THSD7A: variants seen among roughly 807,000 people sequenced by gnomAD.
THSD7A encodes thrombospondin type-1 domain-containing protein 7A.
A neutral mutation model predicts 231.3 loss-of-function variants in THSD7A; 96 were observed. The ratio of observed to expected loss-of-function variants is 0.41; its 90% CI spans 0.35 to 0.49. The LOEUF is 0.49. Among genes scored for constraint, THSD7A ranks in the 20% least tolerant of loss-of-function variants. The probability of loss-of-function intolerance (pLI) is 0.05; values close to 1 mark genes in which losing one functional copy is unlikely to be tolerated. For synonymous variants in THSD7A, 940 were observed against 743.3 expected (o/e 1.26, Z -4.30); for missense variants, 2,290 against 2,070.2 (o/e 1.11, Z -2.06).
At chr7:11,517,760 T>A (rs1185470909) in intron 6 of THSD7A, among the ~76,000 whole-genome samples, 1 of 152,232 alleles carries the variant, frequency 6.6e-6, no homozygotes, top group Non-Finnish European at 1.5e-5. Flanking sequence ...TTCTGATCCC[T>A]TATGAAAACT....
At chr7:11,461,563 C>T (rs532094954) in intron 10 of THSD7A, among the ~76,000 whole-genome samples, 1 of 152,094 alleles carries the variant, frequency 6.6e-6, no homozygotes, top group South Asian at 2.1e-4. Context: ...AGCCATCTTA[C>T]CAGCATCATT....
At chr7:11,401,150 A>C (rs1008810282) in intron 23 of THSD7A, among the ~76,000 whole-genome samples, 1 of 152,042 alleles carries the variant, frequency 6.6e-6, no homozygotes, top group African/African-American at 2.4e-5. Context: ...TGGATTTGTA[A>C]TTTTTATTTA....
chr7:11,541,569 T>A lies in THSD7A; in HGVS notation c.1672A>T (p.Asn558Tyr). The change falls in exon 6 of 28, where the codon AAC becomes TAC. Residue 558 changes from asparagine (N) to tyrosine (Y), a missense_variant. Physicochemically the swap from Asn to Tyr is moderately radical, Grantham distance 143. Coordinates refer to ENST00000423059, the MANE Select transcript of THSD7A (RefSeq NM_015204.3). ...ATGGCTTCCAGTAAGTGAGGGCAGTTTCCGGTTACCCCAGAGCCTCCAGTG... is the reference window on the plus strand; with the variant it reads ...ATGGCTTCCAGTAAGTGAGGGCAGTATCCGGTTACCCCAGAGCCTCCAGTG... ...EPTGGSGVTG[N>Y]CPHLLEAIPC... 6.2e-7 allele frequency: 1 copy of A among 1,613,948 alleles called. No homozygotes were observed. The highest frequency in any genetic ancestry group is 8.5e-7 in the Non-Finnish European group (1 of 1,179,884).
chr7:11,796,055 T>TTATATTTGG (rs1784115021), intron 1 of THSD7A, among the ~76,000 whole-genome samples: 1 of 84,924 alleles, frequency 1.2e-5, no homozygotes, highest in Admixed American at 1.0e-4. Context: ...TATATATATA[T>TTATATTTGG]ATATATATAT....
intron 13 of THSD7A, among the ~76,000 whole-genome samples, chr7:11,441,129 G>C (rs1310881298): frequency 6.6e-6 from 1 of 151,932 alleles, no homozygotes; most frequent in Non-Finnish European, 1.5e-5. Flanking sequence ...AAATTTTGTG[G>C]AACACCTACT....
At chr7:11,606,985 T>A (rs1182887634) in intron 2 of THSD7A, among the ~76,000 whole-genome samples, 3 of 151,844 alleles carry the variant, frequency 2.0e-5, no homozygotes, top group African/African-American at 7.3e-5. Flanking sequence ...TGTGCACATG[T>A]ACCCTAGAAC....
At chr7:11,715,393 A>G (rs1781102310) in intron 1 of THSD7A, among the ~76,000 whole-genome samples, 1 of 151,466 alleles carries the variant, frequency 6.6e-6, no homozygotes, top group African/African-American at 2.4e-5. Flanking sequence ...ATGCAGGAAA[A>G]AAATGAAGAA....
At chr7:11,744,328 T>G (rs1782207299) in intron 1 of THSD7A, among the ~76,000 whole-genome samples, 2 of 152,046 alleles carry the variant, frequency 1.3e-5, no homozygotes, top group Non-Finnish European at 2.9e-5. Flanking sequence ...GCTTTACCAT[T>G]ATATTAAAAG....
chr7:11,591,227 T>A (rs1274866052), intron 3 of THSD7A, among the ~76,000 whole-genome samples: 1 of 150,754 alleles, frequency 6.6e-6, no homozygotes, highest in Non-Finnish European at 1.5e-5. Context: ...GAGCTGGCAC[T>A]TCTCATCAGT....
chr7:11,516,763 T>C (rs778340381), intron 6 of THSD7A, among the ~76,000 whole-genome samples: 1 of 152,230 alleles, frequency 6.6e-6, no homozygotes, highest in Non-Finnish European at 1.5e-5. Context: ...AAAATAAGGA[T>C]ATATTTAATA....
chr7:11,492,638 G>C (rs1239643752), intron 6 of THSD7A, among the ~76,000 whole-genome samples: 1 of 152,012 alleles, frequency 6.6e-6, no homozygotes, highest in African/African-American at 2.4e-5. Flanking sequence ...ACATTTCTAA[G>C]GCAGTGAAAT....
rs546136309 is a variant in THSD7A, at chr7:11,632,391, AT to A, written c.1022+3738del. ...ATCTTTTTCCCCATTATAATATTTA[AT>A]TTTTTAAGCATCTAGGGAATATATT... On this transcript the variant is annotated intron_variant, in intron 2 of 27. Coordinates refer to ENST00000423059, the MANE Select transcript of THSD7A (RefSeq NM_015204.3). The surrounding 1 kb of genome is among the most constrained non-coding windows in gnomAD (Gnocchi z 4.1). Among the ~76,000 whole-genome samples, 123 of 152,228 alleles carry A rather than the reference AT, an allele frequency of 8.1e-4. No homozygotes were observed. The highest frequency in any genetic ancestry group is 2.5e-3 in the African/African-American group (102 of 41,550).
In THSD7A at chr7:11,460,666, T is replaced by C; in HGVS notation, c.2601A>G (p.Ala867=). 1 of 1,607,714 alleles carries C rather than the reference T, an allele frequency of 6.2e-7. No homozygotes were observed. Among genetic ancestry groups the C allele is most frequent in the Non-Finnish European group, 8.5e-7 (1 of 1,177,062 alleles). Residue 867 remains alanine (A), a synonymous_variant, in exon 11 of 28, where the codon GCA becomes GCG. Coordinates refer to ENST00000423059, the MANE Select transcript of THSD7A (RefSeq NM_015204.3). Reference sequence around the variant, plus strand: ...CTGTGGAATGGGGCCTCCCACCTCTTGCCTGTCGCCCAGGCCCACAGCCTT... The same window carrying C: ...CTGTGGAATGGGGCCTCCCACCTCTCGCCTGTCGCCCAGGCCCACAGCCTT... ...AQEGCGPGRQ[A]RAITCRKQDG...
chr7:11,618,656 C>A (rs930994888), intron 2 of THSD7A, among the ~76,000 whole-genome samples: 2 of 151,856 alleles, frequency 1.3e-5, no homozygotes, highest in Non-Finnish European at 2.9e-5. Flanking sequence ...AAAAATTAGC[C>A]GGGCGCCTGT....
intron 1 of THSD7A, among the ~76,000 whole-genome samples, chr7:11,697,510 C>A (rs1015823688): frequency 1.3e-5 from 2 of 150,990 alleles, no homozygotes; most frequent in Admixed American, 6.6e-5. Flanking sequence ...GTAAATATTT[C>A]TTGAATGAGT....
intron 4 of THSD7A, among the ~76,000 whole-genome samples, chr7:11,559,632 AAGG>A (rs1458153980): frequency 2.0e-5 from 3 of 152,152 alleles, no homozygotes; most frequent in Middle Eastern, 3.4e-3. Context: ...AAAGGCAAGA[AAGG>A]AGAAGTGAAG....
chr7:11,702,414 G>C (rs1057205342), intron 1 of THSD7A, among the ~76,000 whole-genome samples: 5 of 151,184 alleles, frequency 3.3e-5, no homozygotes, highest in African/African-American at 1.2e-4. Flanking sequence ...TAACCCTCTG[G>C]TCTTTTCCAG....
At chr7:11,815,416 C>T (rs1020311179) in intron 1 of THSD7A, among the ~76,000 whole-genome samples, 2 of 151,920 alleles carry the variant, frequency 1.3e-5, no homozygotes, top group African/African-American at 4.8e-5. Flanking sequence ...ATTTGTATTC[C>T]CTTTCACGGA....
chr7:11,802,314 C>A lies in THSD7A; in HGVS notation c.190+29443G>T, dbSNP rs976509793. Among the ~76,000 whole-genome samples, 4 of 152,208 alleles carry A rather than the reference C, an allele frequency of 2.6e-5. No homozygotes were observed. In the East Asian group the frequency reaches 7.7e-4, roughly 29 times the overall value. On this transcript the variant is annotated intron_variant, in intron 1 of 27. Transcript: ENST00000423059. The stretch of plus-strand genomic sequence containing the variant: ...CCCTACTATACTATTTAATTAAAAT[C>A]TTTTGGTGTAAGGAAAGGAGATATG...
Sources: allele counts gnomAD v4.1 joint callset (sites outside exome capture counted in the v4.1 genomes callset), GRCh38; gene constraint gnomAD v4.1.1; non-coding constraint Gnocchi (gnomAD v3.1); transcripts MANE v1.5; gene names NCBI Gene and HGNC (gene_info 2026-07-23, HGNC 2026-07-21).